The following RORA variants were observed in gnomAD, a reference collection of about 807,000 sequenced individuals.
RORA encodes the protein nuclear receptor ROR-alpha.
RORA carries 7 observed loss-of-function variants against 69.5 expected under a neutral mutation model. The ratio of observed to expected loss-of-function variants is 0.10; its 90% CI spans 0.06 to 0.19. The LOEUF is 0.19. Ranked by LOEUF, RORA falls within the 10% of genes least tolerant of loss-of-function variation. The pLI, the probability that RORA is intolerant of heterozygous loss-of-function variation, is 1.00. For synonymous variants in RORA, 261 were observed against 240.8 expected, an observed-to-expected ratio of 1.08 and a Z score of -0.78; for missense variants, 457 against 663.0, an observed-to-expected ratio of 0.69 and a Z score of 3.41.
intron 1 of RORA, 31 bp downstream of exon 1, chr15:61,229,021 GC>G (rs1416138221): frequency 6.3e-6 from 8 of 1,265,486 alleles, no homozygotes; most frequent in Non-Finnish European, 8.1e-6. Flanking sequence ...GGCTCCCGCC[GC>G]CCCCTCCCCA....
At chr15:61,134,189 A>C (rs1178515409) in intron 1 of RORA, among the ~76,000 whole-genome samples, 1 of 152,144 alleles carries the variant, frequency 6.6e-6, no homozygotes, top group Non-Finnish European at 1.5e-5. Flanking sequence ...AGAGTCTAAG[A>C]ATTGGCTTGG....
intron 1 of RORA, among the ~76,000 whole-genome samples, chr15:61,015,211 A>G (rs1289290593): frequency 6.6e-6 from 1 of 152,244 alleles, no homozygotes; most frequent in East Asian, 1.9e-4. Context: ...ACAGATCTCA[A>G]TCACAGAAGA....
intron 1 of RORA, among the ~76,000 whole-genome samples, chr15:60,762,299 G>A (rs1384013093): frequency 6.6e-6 from 1 of 152,144 alleles, no homozygotes; most frequent in Non-Finnish European, 1.5e-5. Context: ...CTCAACTCTG[G>A]CTTGAATTTA....
chr15:60,802,626 GTGTA>G (rs1266370530), intron 1 of RORA, among the ~76,000 whole-genome samples: 2 of 152,134 alleles, frequency 1.3e-5, no homozygotes, highest in African/African-American at 4.8e-5. Flanking sequence ...TATACGTGGG[GTGTA>G]TGTGTGTATG....
chr15:60,761,690 A>C (rs967389269), intron 1 of RORA, among the ~76,000 whole-genome samples: 1 of 152,150 alleles, frequency 6.6e-6, no homozygotes, highest in Non-Finnish European at 1.5e-5. Context: ...CTGGGGGTAG[A>C]CTTCTGTCCT....
Position 60,497,191 on chromosome 15 carries a change from A to G in RORA, c.*264T>C. The G allele has an allele frequency of 5.7e-6, 2 of 349,638 alleles. No individual in the cohort carries two copies. Among genetic ancestry groups the G allele is most frequent in the Non-Finnish European group, 1.1e-5 (2 of 190,404 alleles). 21.7% of individuals were successfully genotyped at this position (349,638 alleles called of 1,614,324 possible). ...CTTTAGTACCCTCCTCCTGTTGTAAACAGAGGTCAATGATCAAGAAGTCAA... is the reference window on the plus strand; with the variant it reads ...CTTTAGTACCCTCCTCCTGTTGTAAGCAGAGGTCAATGATCAAGAAGTCAA... On this transcript the variant is annotated 3_prime_UTR_variant, in exon 11 of 11. Transcript: ENST00000335670.
chr15:61,209,211 A>C (rs2140935099), intron 1 of RORA, among the ~76,000 whole-genome samples: 1 of 152,246 alleles, frequency 6.6e-6, no homozygotes, highest in African/African-American at 2.4e-5. Flanking sequence ...TTTATTTGCC[A>C]CAAAATTAAA....
intron 1 of RORA, among the ~76,000 whole-genome samples, chr15:61,139,391 G>A (rs960824728): frequency 1.3e-5 from 2 of 152,166 alleles, no homozygotes; most frequent in Non-Finnish European, 2.9e-5. Context: ...TGCCCCAAAA[G>A]ACCCAAAGTC....
chr15:61,164,111 T>C (rs1030195522), intron 1 of RORA, among the ~76,000 whole-genome samples: 3 of 151,630 alleles, frequency 2.0e-5, no homozygotes, highest in Non-Finnish European at 4.4e-5. Flanking sequence ...GTACAGCCAA[T>C]AGGTGAGCCC....
At chr15:60,977,804 T>C (rs1285899560) in intron 1 of RORA, among the ~76,000 whole-genome samples, 2 of 152,250 alleles carry the variant, frequency 1.3e-5, no homozygotes, top group African/African-American at 2.4e-5. Context: ...CTCCTTTTTA[T>C]AGCTGAATAA....
At chr15:61,171,958 GGT>G (rs770497230) in intron 1 of RORA, among the ~76,000 whole-genome samples, 1 of 152,166 alleles carries the variant, frequency 6.6e-6, no homozygotes, top group Non-Finnish European at 1.5e-5. Context: ...GTGCTTCAGT[GGT>G]GTTATTTAGA....
At chr15:61,008,203 C>CTGTGTGTGTGTGTGTG (rs10581853) in intron 1 of RORA, among the ~76,000 whole-genome samples, 1 of 135,058 alleles carries the variant, frequency 7.4e-6, no homozygotes, top group African/African-American at 2.8e-5. Context: ...CTCTCTCTCT[C>CTGTGTGTGTGTGTGTG]TGTGTGTGTG....
intron 1 of RORA, among the ~76,000 whole-genome samples, chr15:61,020,543 T>C (rs988462755): frequency 4.6e-5 from 7 of 152,234 alleles, no homozygotes; most frequent in African/African-American, 1.4e-4. Context: ...GATGTCTGGC[T>C]ATTGTTACAA....
chr15:60,756,630 C>T (rs912434854), intron 1 of RORA, among the ~76,000 whole-genome samples: 2 of 152,072 alleles, frequency 1.3e-5, no homozygotes, highest in African/African-American at 4.8e-5. Flanking sequence ...GATGTGTTTA[C>T]TAATAGCAGC....
intron 1 of RORA, among the ~76,000 whole-genome samples, chr15:60,709,863 G>A (rs150482880): frequency 1.9e-4 from 29 of 152,234 alleles, no homozygotes; most frequent in African/African-American, 6.7e-4. Flanking sequence ...GCCCCACTCT[G>A]TGGAAAAATT....
At chr15:60,943,924 A>AAAAAAAAAAAAAAAAAAAAC in intron 1 of RORA, among the ~76,000 whole-genome samples, 1 of 147,296 alleles carries the variant, frequency 6.8e-6, no homozygotes, top group African/African-American at 2.5e-5. Flanking sequence ...TCCAAAAAAA[A>AAAAAAAAAAAAAAAAAAAAC]AAAAAAAAAA....
intron 1 of RORA, among the ~76,000 whole-genome samples, chr15:61,154,327 T>C (rs1325783212): frequency 6.6e-6 from 1 of 152,206 alleles, no homozygotes; most frequent in African/African-American, 2.4e-5. Flanking sequence ...CAGACTTCCC[T>C]GAGACCATCA....
chr15:60,553,326 T>C (rs1349689582), intron 2 of RORA, among the ~76,000 whole-genome samples: 2 of 152,088 alleles, frequency 1.3e-5, no homozygotes, highest in South Asian at 2.1e-4. Flanking sequence ...TGGGGGCTGG[T>C]TGAGATGCAC....
chr15:61,212,925 G>A (rs1006299278), intron 1 of RORA, among the ~76,000 whole-genome samples: 1 of 152,084 alleles, frequency 6.6e-6, no homozygotes, highest in African/African-American at 2.4e-5. Flanking sequence ...TCAGAGTTAG[G>A]ACTCCAGCTC....
Sources: allele counts gnomAD v4.1 joint callset (sites outside exome capture counted in the v4.1 genomes callset), GRCh38; gene constraint gnomAD v4.1.1; transcripts MANE v1.5; gene names NCBI Gene and HGNC (gene_info 2026-07-23, HGNC 2026-07-21).